The following IMMP2L variants were observed in gnomAD, a reference collection of about 807,000 sequenced individuals.
IMMP2L encodes the protein inner mitochondrial membrane peptidase subunit 2.
IMMP2L carries 18 observed loss-of-function variants against 19.3 expected under a neutral mutation model. The ratio of observed to expected loss-of-function variants is 0.93; its 90% CI spans 0.64 to 1.38. The LOEUF is 1.38. IMMP2L is among the 40% of genes most tolerant of loss of function. The pLI, the probability that IMMP2L is intolerant of heterozygous loss-of-function variation, is 0.00. For synonymous variants in IMMP2L, 76 were observed against 73.0 expected, an observed-to-expected ratio of 1.04 and a Z score of -0.21; for missense variants, 233 against 218.2, an observed-to-expected ratio of 1.07 and a Z score of -0.43.
chr7:110,714,854 C>G (rs1321446465), intron 5 of IMMP2L, among the ~76,000 whole-genome samples: 1 of 152,192 alleles, frequency 6.6e-6, no homozygotes, highest in Non-Finnish European at 1.5e-5. Context: ...CTCAGCCTCC[C>G]AAAGTGCTGG....
intron 5 of IMMP2L, among the ~76,000 whole-genome samples, chr7:110,717,697 A>G (rs1795315869): frequency 6.6e-6 from 1 of 152,210 alleles, no homozygotes; most frequent in African/African-American, 2.4e-5. Context: ...TGGCATTAAG[A>G]TGTCCTTGGA....
intron 3 of IMMP2L, among the ~76,000 whole-genome samples, chr7:111,219,333 T>A (rs1812280185): frequency 6.6e-6 from 1 of 151,996 alleles, no homozygotes; most frequent in African/African-American, 2.4e-5. Context: ...CCTGTGATGA[T>A]CAATATGCTG....
intron 3 of IMMP2L, among the ~76,000 whole-genome samples, chr7:111,139,870 C>T (rs554773515): frequency 2.0e-4 from 31 of 152,242 alleles, no homozygotes; most frequent in Non-Finnish European, 3.8e-4. Flanking sequence ...TAGGATAATT[C>T]TTTCTCTGAC....
At chr7:111,208,305 A>T (rs1422558553) in intron 3 of IMMP2L, among the ~76,000 whole-genome samples, 1 of 152,214 alleles carries the variant, frequency 6.6e-6, no homozygotes, top group Admixed American at 6.5e-5. Flanking sequence ...TATTTGTAAT[A>T]GGCCAAGAAA....
At chr7:111,270,061 G>C (rs1461857772) in intron 3 of IMMP2L, among the ~76,000 whole-genome samples, 2 of 130,372 alleles carry the variant, frequency 1.5e-5, no homozygotes, top group Non-Finnish European at 3.2e-5. Context: ...GTGTGTCTGT[G>C]TGTGTGTGTG....
intron 3 of IMMP2L, among the ~76,000 whole-genome samples, chr7:111,343,977 C>T (rs1258211829): frequency 1.3e-5 from 2 of 152,068 alleles, no homozygotes; most frequent in African/African-American, 4.8e-5. Flanking sequence ...CAAAAAGTCT[C>T]GGTATGAACC....
chr7:111,182,853 C>T (rs373675228), intron 3 of IMMP2L, among the ~76,000 whole-genome samples: 1 of 152,042 alleles, frequency 6.6e-6, no homozygotes, highest in African/African-American at 2.4e-5. Flanking sequence ...CTCTCAAGTG[C>T]TTATGTAAAT....
chr7:111,354,540 GA>G lies in IMMP2L; in HGVS notation c.239+132697del. Among the ~76,000 whole-genome samples the G allele has an allele frequency of 2.6e-5, 4 of 151,238 alleles. 1 individual carries two copies. The East Asian group carries it at 7.8e-4, about 29-fold the overall frequency. On this transcript the variant is annotated intron_variant, in intron 3 of 5. Coordinates refer to ENST00000405709, the MANE Select transcript of IMMP2L (RefSeq NM_032549.4). ...TGCCCATGAAAGTCAAGAGGGACGAGAGGTTCTAGTCAACAAAGAAAAAAAA... is the reference window on the plus strand; with the variant it reads ...TGCCCATGAAAGTCAAGAGGGACGAGGGTTCTAGTCAACAAAGAAAAAAAA...
At chr7:110,820,650 T>C (rs1427161796) in intron 5 of IMMP2L, among the ~76,000 whole-genome samples, 1 of 151,984 alleles carries the variant, frequency 6.6e-6, no homozygotes, top group Non-Finnish European at 1.5e-5. Flanking sequence ...ACTTCTGACC[T>C]TTAGCAAATT....
chr7:110,920,320 T>G (rs749833618), intron 4 of IMMP2L, among the ~76,000 whole-genome samples: 5 of 152,184 alleles, frequency 3.3e-5, no homozygotes, highest in Admixed American at 6.5e-5. Context: ...TCCAGAGGTA[T>G]GCACCCTAGG....
At chr7:111,386,856 T>C (rs185395674) in intron 3 of IMMP2L, among the ~76,000 whole-genome samples, 1 of 152,280 alleles carries the variant, frequency 6.6e-6, no homozygotes, top group Non-Finnish European at 1.5e-5. Context: ...AGCAATTATA[T>C]TCTACCTTGT....
chr7:110,809,321 A>G (rs1481565296), intron 5 of IMMP2L, among the ~76,000 whole-genome samples: 5 of 152,094 alleles, frequency 3.3e-5, no homozygotes, highest in Non-Finnish European at 5.9e-5. Context: ...TTGGGATTGC[A>G]GTAGTAACAA....
chr7:111,187,279 G>T (rs970656996), intron 3 of IMMP2L, among the ~76,000 whole-genome samples: 2 of 152,100 alleles, frequency 1.3e-5, no homozygotes, highest in African/African-American at 4.8e-5. Context: ...AGGAAGCAGA[G>T]CAACTGCATA....
chr7:111,084,383 G>A (rs1348909294), intron 3 of IMMP2L, among the ~76,000 whole-genome samples: 1 of 151,582 alleles, frequency 6.6e-6, no homozygotes, highest in Non-Finnish European at 1.5e-5. Flanking sequence ...GACACGTAGA[G>A]TACAGAGTGC....
intron 3 of IMMP2L, among the ~76,000 whole-genome samples, chr7:111,041,173 T>C (rs1791859993): frequency 6.6e-6 from 1 of 152,108 alleles, no homozygotes; most frequent in African/African-American, 2.4e-5. Flanking sequence ...TTCCTGGGGC[T>C]CACAAATTTT....
At chr7:111,310,229 T>A (rs1481725609) in intron 3 of IMMP2L, among the ~76,000 whole-genome samples, 2 of 113,586 alleles carry the variant, frequency 1.8e-5, no homozygotes, top group South Asian at 2.5e-4. Flanking sequence ...CGAGACTCCA[T>A]CTCAAAAAAA....
At chr7:111,450,779 A>G (rs1391376614) in intron 3 of IMMP2L, among the ~76,000 whole-genome samples, 3 of 151,290 alleles carry the variant, frequency 2.0e-5, no homozygotes, top group Admixed American at 6.6e-5. Flanking sequence ...GGCAACCTAC[A>G]ACATGGGAGA....
intron 2 of IMMP2L, among the ~76,000 whole-genome samples, chr7:111,510,025 G>A (rs141669935): frequency 0.012 from 1,875 of 152,166 alleles, 22 homozygotes; most frequent in Middle Eastern, 0.031. Context: ...TAATTAGAGG[G>A]CAGTACAAAA....
At chr7:111,464,433 T>C (rs1225073806) in intron 3 of IMMP2L, among the ~76,000 whole-genome samples, 2 of 152,178 alleles carry the variant, frequency 1.3e-5, no homozygotes, top group East Asian at 1.9e-4. Context: ...CAGTGAGCTA[T>C]GACCATGCCA....
Sources: gnomAD v4.1 joint callset for allele counts (sites outside exome capture counted in the v4.1 genomes callset) on GRCh38, gnomAD v4.1.1 for gene constraint, MANE v1.5 for transcripts, NCBI Gene and HGNC (gene_info 2026-07-23, HGNC 2026-07-21) for gene names.